The following ZMPSTE24 variants were observed in gnomAD, a reference collection of about 807,000 sequenced individuals.
The protein encoded by ZMPSTE24 is zinc metallopeptidase STE24.
ZMPSTE24 carries 48 observed loss-of-function variants against 56.7 expected under a neutral mutation model. The observed-to-expected ratio is 0.85, with a 90% CI of 0.67 to 1.08. ZMPSTE24 has a LOEUF of 1.08. Ranked by LOEUF, ZMPSTE24 falls within the 50% of genes least tolerant of loss-of-function variation. The probability of loss-of-function intolerance (pLI) is 0.00; values close to 1 mark genes in which losing one functional copy is unlikely to be tolerated. For synonymous variants in ZMPSTE24, 172 were observed against 195.2 expected (o/e 0.88, Z 0.99); for missense variants, 503 against 548.7 (o/e 0.92, Z 0.83).
At chr1:40,266,676 T>C (rs79873779) in intron 2 of ZMPSTE24, among the ~76,000 whole-genome samples, 1,837 of 152,254 alleles carry the variant, frequency 0.012, 27 homozygotes, top group South Asian at 0.038. Flanking sequence ...GACTATTTTC[T>C]TTCACAGAAA....
intron 4 of ZMPSTE24, 128 bp downstream of exon 4, chr1:40,268,663 A>G (rs1171072848): frequency 5.8e-6 from 4 of 694,124 alleles, no homozygotes; most frequent in Non-Finnish European, 7.0e-6. Flanking sequence ...GGAACTACAG[A>G]TATGGTAAAG....
At chr1:40,286,120 C>T (rs755079546) in intron 8 of ZMPSTE24, 91 bp downstream of exon 8, 2 of 1,099,478 alleles carry the variant, frequency 1.8e-6, no homozygotes, top group Admixed American at 2.0e-5. Context: ...GAGGCCAAGG[C>T]AGACACCACA....
chr1:40,290,450 AT>A (rs996301433), intron 8 of ZMPSTE24, among the ~76,000 whole-genome samples: 105 of 82,574 alleles, frequency 1.3e-3, no homozygotes, highest in African/African-American at 2.6e-3. Context: ...CACACTATGA[AT>A]TTTTTTTTTT....
chr1:40,286,974 C>T (rs1012381543), intron 8 of ZMPSTE24, among the ~76,000 whole-genome samples: 15 of 152,064 alleles, frequency 9.9e-5, no homozygotes, highest in African/African-American at 3.1e-4. Context: ...TCAGTTGATC[C>T]GCCTGCCTCA....
At chr1:40,260,671 T>C (rs1012255491) in intron 1 of ZMPSTE24, among the ~76,000 whole-genome samples, 168 bp from the exon 2 acceptor site, 5 of 152,250 alleles carry the variant, frequency 3.3e-5, no homozygotes, top group African/African-American at 1.2e-4. Flanking sequence ...TGCTTTTATT[T>C]TCCTGCATCA....
At chr1:40,263,326 A>G (rs944376905) in intron 2 of ZMPSTE24, among the ~76,000 whole-genome samples, 1 of 152,224 alleles carries the variant, frequency 6.6e-6, no homozygotes, top group Non-Finnish European at 1.5e-5. Flanking sequence ...TTTTATATGT[A>G]TTGTTTGATG....
intron 8 of ZMPSTE24, among the ~76,000 whole-genome samples, chr1:40,287,803 G>C (rs1467268671): frequency 1.3e-5 from 2 of 152,156 alleles, no homozygotes; most frequent in African/African-American, 4.8e-5. Context: ...GGCTTTGGGT[G>C]AAAAAGCACT....
At chr1:40,272,240 G>A (rs1230691960) in intron 6 of ZMPSTE24, among the ~76,000 whole-genome samples, 1 of 152,134 alleles carries the variant, frequency 6.6e-6, no homozygotes, top group Admixed American at 6.5e-5. Context: ...CTGGTGGCTT[G>A]ATACCAAATC....
At chr1:40,275,752 CAAAA>C (rs34281343) in intron 6 of ZMPSTE24, among the ~76,000 whole-genome samples, 4 of 62,684 alleles carry the variant, frequency 6.4e-5, no homozygotes, top group South Asian at 5.6e-4. Flanking sequence ...GACCCTGTCT[CAAAA>C]AAAAAAAAAA....
At chr1:40,282,397 G>T (rs1373054447) in intron 7 of ZMPSTE24, among the ~76,000 whole-genome samples, 1 of 152,214 alleles carries the variant, frequency 6.6e-6, no homozygotes, top group Non-Finnish European at 1.5e-5. Context: ...ATCAGTATTT[G>T]TATGTGTGAT....
chr1:40,287,053 C>T (rs1296524355), intron 8 of ZMPSTE24, among the ~76,000 whole-genome samples: 11 of 133,834 alleles, frequency 8.2e-5, no homozygotes, highest in Admixed American at 7.4e-4. Context: ...TTTTAAAAAA[C>T]ATTTTTTTCT....
intron 2 of ZMPSTE24, among the ~76,000 whole-genome samples, chr1:40,264,400 A>G (rs1404459168): frequency 6.6e-6 from 1 of 152,182 alleles, no homozygotes; most frequent in African/African-American, 2.4e-5. Flanking sequence ...GTTTGTGGCA[A>G]GGACTAAGTG....
chr1:40,274,751 A>G (rs1318658901), intron 6 of ZMPSTE24, among the ~76,000 whole-genome samples: 1 of 152,186 alleles, frequency 6.6e-6, no homozygotes. Flanking sequence ...TGTATGGAGA[A>G]TATGTTGTAG....
chr1:40,272,144 T>G (rs1168755545), intron 6 of ZMPSTE24, 109 bp downstream of exon 6: 1 of 1,264,186 alleles, frequency 7.9e-7, no homozygotes, highest in Non-Finnish European at 1.1e-6. Flanking sequence ...TTTTTTCTTT[T>G]TAAAATTTGT....
intron 8 of ZMPSTE24, among the ~76,000 whole-genome samples, chr1:40,286,884 C>T (rs770145707): frequency 2.0e-5 from 3 of 150,916 alleles, no homozygotes; most frequent in African/African-American, 7.3e-5. Context: ...CACGCCACCA[C>T]ACTTGACTAA....
chr1:40,258,665 C>T (rs1643464049), intron 1 of ZMPSTE24, among the ~76,000 whole-genome samples: 1 of 152,146 alleles, frequency 6.6e-6, no homozygotes, highest in Admixed American at 6.6e-5. Flanking sequence ...CTGCAGCTTC[C>T]TTGGGATCCT....
chr1:40,266,872 A>G (rs1291458161), intron 2 of ZMPSTE24, among the ~76,000 whole-genome samples: 1 of 148,838 alleles, frequency 6.7e-6, no homozygotes, highest in Non-Finnish European at 1.5e-5. Flanking sequence ...GGCTCAAGCA[A>G]TCCTTCTACC....
intron 7 of ZMPSTE24, among the ~76,000 whole-genome samples, chr1:40,283,745 A>T (rs1258820562): frequency 6.6e-6 from 1 of 151,914 alleles, no homozygotes; most frequent in Non-Finnish European, 1.5e-5. Flanking sequence ...AATTTTCTGA[A>T]ATTATTTTGT....
intron 7 of ZMPSTE24, among the ~76,000 whole-genome samples, chr1:40,282,553 A>G (rs927491357): frequency 2.4e-4 from 37 of 152,230 alleles, no homozygotes; most frequent in East Asian, 9.6e-4. Context: ...TATGTTTTCC[A>G]GGCTGGTCGA....
Sources: allele counts gnomAD v4.1 joint callset (sites outside exome capture counted in the v4.1 genomes callset), GRCh38; gene constraint gnomAD v4.1.1; transcripts MANE v1.5; gene names NCBI Gene and HGNC (gene_info 2026-07-23, HGNC 2026-07-21).